Variants in ANK3 observed in about 807,000 individuals in gnomAD.
ANK3 encodes ankyrin-3.
ANK3 carries 57 observed loss-of-function variants against 370.9 expected under a neutral mutation model. That is an observed-to-expected ratio of 0.15 (90% CI 0.12 to 0.19). The LOEUF is 0.19. ANK3 is among the 10% of genes least tolerant of loss of function. The pLI, the probability that ANK3 is intolerant of heterozygous loss-of-function variation, is 1.00. For synonymous variants in ANK3, 1,929 were observed against 1,946.3 expected, an observed-to-expected ratio of 0.99 and a Z score of 0.23; for missense variants, 4,439 against 5,302.1, an observed-to-expected ratio of 0.84 and a Z score of 5.06.
At chr10:60,436,947 A>C (rs955771257) in intron 2 of ANK3, among the ~76,000 whole-genome samples, 2 of 152,234 alleles carry the variant, frequency 1.3e-5, no homozygotes, top group Non-Finnish European at 2.9e-5. Context: ...ATCAGTTATC[A>C]CATGGGGTCT....
intron 2 of ANK3, among the ~76,000 whole-genome samples, chr10:60,577,617 C>T (rs1037723734): frequency 7.2e-5 from 11 of 152,110 alleles, no homozygotes; most frequent in Admixed American, 1.3e-4. Context: ...GATTGTGAGG[C>T]GTCCCCAGCC....
intron 2 of ANK3, among the ~76,000 whole-genome samples, chr10:60,454,472 C>T (rs1273423438): frequency 6.6e-6 from 1 of 152,042 alleles, no homozygotes; most frequent in Non-Finnish European, 1.5e-5. Context: ...CTTTAGAGCC[C>T]TGTGAAATTG....
chr10:60,069,839 T>C lies in ANK3; in HGVS notation c.11042A>G (p.Glu3681Gly), dbSNP rs1014828876. The C allele has an allele frequency of 3.1e-6, 5 of 1,613,970 alleles. No homozygotes were observed. The highest frequency in any genetic ancestry group is 3.3e-5 in the Admixed American group (2 of 59,972). Reference protein sequence around the residue: ...LERNVETPTVEPNPSIPTSGE... With the variant: ...LERNVETPTVGPNPSIPTSGE... Reference sequence around the variant, plus strand: ...GCTGGTCGGGATGCTGGGGTTAGGTTCCACTGTAGGTGTCTCTACATTTCT... The same window carrying C: ...GCTGGTCGGGATGCTGGGGTTAGGTCCCACTGTAGGTGTCTCTACATTTCT... Residue 3681 changes from glutamate (E) to glycine (G), a missense_variant, in exon 37 of 44, where the codon GAA (glutamate) becomes GGA (glycine). Coordinates refer to ENST00000280772, the MANE Select transcript of ANK3 (RefSeq NM_020987.5).
chr10:60,336,739 T>A (rs970710632), intron 1 of ANK3, among the ~76,000 whole-genome samples: 2 of 152,238 alleles, frequency 1.3e-5, no homozygotes, highest in Non-Finnish European at 2.9e-5. Flanking sequence ...CCAGCATATC[T>A]ACTGATGCCA....
intron 2 of ANK3, among the ~76,000 whole-genome samples, chr10:60,403,046 G>A (rs1209093551): frequency 1.3e-5 from 2 of 152,062 alleles, no homozygotes; most frequent in Non-Finnish European, 2.9e-5. Context: ...TAAGAAAAAG[G>A]AAAGTAAATA....
At chr10:60,298,486 C>T (rs1051029246) in intron 1 of ANK3, among the ~76,000 whole-genome samples, 1 of 152,160 alleles carries the variant, frequency 6.6e-6, no homozygotes, top group African/African-American at 2.4e-5. Flanking sequence ...TCCAGCAAAA[C>T]CCAGTACAGC....
At chr10:60,487,730 T>TTTTTTTC (rs2075386011) in intron 2 of ANK3, among the ~76,000 whole-genome samples, 1 of 151,944 alleles carries the variant, frequency 6.6e-6, no homozygotes, top group Non-Finnish European at 1.5e-5. Flanking sequence ...ATTTTTTTTT[T>TTTTTTTC]TGAGACAGAG....
At chr10:60,243,335 T>C (rs1242842727) in intron 7 of ANK3, among the ~76,000 whole-genome samples, 1 of 152,178 alleles carries the variant, frequency 6.6e-6, no homozygotes, top group Non-Finnish European at 1.5e-5. Context: ...GTAGGGTCCT[T>C]GGCAGGGATT....
chr10:60,051,876 A>T (rs2078112117), intron 42 of ANK3, among the ~76,000 whole-genome samples: 1 of 151,910 alleles, frequency 6.6e-6, no homozygotes, highest in South Asian at 2.1e-4. Context: ...AGCAGAAACT[A>T]CAATTAAATC....
chr10:60,155,047 AT>A (rs1185079020), intron 23 of ANK3, among the ~76,000 whole-genome samples: 1 of 152,132 alleles, frequency 6.6e-6, no homozygotes, highest in Admixed American at 6.5e-5. Context: ...CACTCCAGTG[AT>A]TTTCCCCTCA....
chr10:60,420,594 A>G (rs905212071), intron 2 of ANK3, among the ~76,000 whole-genome samples: 1 of 152,132 alleles, frequency 6.6e-6, no homozygotes, highest in Non-Finnish European at 1.5e-5. Context: ...ATATATTAAA[A>G]AAAAAAGTTT....
chr10:60,375,500 G>GT (rs2060655754), intron 1 of ANK3, among the ~76,000 whole-genome samples: 1 of 152,026 alleles, frequency 6.6e-6, no homozygotes, highest in African/African-American at 2.4e-5. Context: ...CCTGCCTGGG[G>GT]GGGGAGGGGG....
chr10:60,696,559 C>G lies in ANK3; in HGVS notation c.57+36704G>C, dbSNP rs938557131. ...CATCAAAAAGCTTATCCACCATGAT[C>G]AAGTGGGCTTCTTCCCTGGGATGCA... On this transcript the variant is annotated intron_variant, in intron 1 of 43. Coordinates refer to the ANK3 transcript ENST00000373827. Among the ~76,000 whole-genome samples, 30 of 150,274 alleles carry G rather than the reference C, an allele frequency of 2.0e-4. 2 individuals are homozygous for G. The highest frequency in any genetic ancestry group is 6.4e-4 in the African/African-American group (26 of 40,338).
At chr10:60,058,372 G>T (rs957420970) in intron 41 of ANK3, among the ~76,000 whole-genome samples, 5 of 149,238 alleles carry the variant, frequency 3.4e-5, no homozygotes, top group African/African-American at 1.3e-4. Flanking sequence ...ATTATTTTGG[G>T]TAAAGACAAA....
chr10:60,240,217 TATATATATACACAC>T (rs1255487726), intron 7 of ANK3, among the ~76,000 whole-genome samples: 54 of 139,142 alleles, frequency 3.9e-4, no homozygotes, highest in Middle Eastern at 3.8e-3. Context: ...TATATACACA[TATATATATACACAC>T]ATATATATAC....
At chr10:60,366,176 A>G (rs143259300) in intron 1 of ANK3, among the ~76,000 whole-genome samples, 1,544 of 152,088 alleles carry the variant, frequency 0.01, 9 homozygotes, top group Middle Eastern at 0.027. Context: ...CGTCTCTACT[A>G]AAAATACAAA....
intron 1 of ANK3, among the ~76,000 whole-genome samples, chr10:60,708,778 G>A (rs1425455305): frequency 6.6e-6 from 1 of 152,116 alleles, no homozygotes; most frequent in African/African-American, 2.4e-5. Flanking sequence ...AGGAGTACAG[G>A]CACATTAAAA....
At chr10:60,604,713 C>A (rs1175426290) in intron 2 of ANK3, among the ~76,000 whole-genome samples, 1 of 152,038 alleles carries the variant, frequency 6.6e-6, no homozygotes, top group Non-Finnish European at 1.5e-5. Context: ...TTTCCAGAAC[C>A]AAAGATGTGG....
At chr10:60,650,609 T>C (rs2078774877) in intron 1 of ANK3, among the ~76,000 whole-genome samples, 2 of 152,088 alleles carry the variant, frequency 1.3e-5, no homozygotes, top group Non-Finnish European at 2.9e-5. Context: ...ATGTGAAAAA[T>C]CTGAAATTTT....
Sources: gnomAD v4.1 joint callset for allele counts (sites outside exome capture counted in the v4.1 genomes callset) on GRCh38, gnomAD v4.1.1 for gene constraint, MANE v1.5 for transcripts, NCBI Gene and HGNC (gene_info 2026-07-23, HGNC 2026-07-21) for gene names.